Variants in SV2C observed in about 807,000 individuals in gnomAD.
SV2C encodes the protein synaptic vesicle glycoprotein 2C.
SV2C carries 49 observed loss-of-function variants against 79.7 expected under a neutral mutation model. The ratio of observed to expected loss-of-function variants is 0.61; its 90% CI spans 0.49 to 0.78. The LOEUF is 0.78. SV2C is among the 30% of genes least tolerant of loss of function. The pLI is 0.00. For missense variants in SV2C, 833 were observed against 912.9 expected, an observed-to-expected ratio of 0.91 and a Z score of 1.13; for synonymous variants, 334 against 333.2, an observed-to-expected ratio of 1.00 and a Z score of -0.03.
At chr5:75,893,515 T>C in the SV2C span, among the ~76,000 whole-genome samples, 1 of 152,096 alleles carries the variant, frequency 6.6e-6, no homozygotes, top group South Asian at 2.1e-4. Flanking sequence ...AACTACTGCA[T>C]GTTGTCGTAA....
chr5:76,238,555 G>C (rs1417021852), intron 4 of SV2C, among the ~76,000 whole-genome samples: 6 of 152,104 alleles, frequency 3.9e-5, no homozygotes. Flanking sequence ...TAATATTTAA[G>C]AGCGAAGCAC....
At chr5:75,867,012 C>G in the SV2C span, among the ~76,000 whole-genome samples, 1 of 152,132 alleles carries the variant, frequency 6.6e-6, no homozygotes, top group African/African-American at 2.4e-5. Flanking sequence ...GAAAGTCTTG[C>G]TGATTTCTCT....
rs533081268 is a variant in SV2C, at chr5:76,242,359, T to C, written c.913+32472T>C. The C allele has an allele frequency of 2.6e-3, 3,200 of 1,245,862 alleles. 9 individuals are homozygous for C. The highest frequency in any genetic ancestry group is 2.8e-3 in the Non-Finnish European group (2,447 of 879,664). 77.2% of individuals were successfully genotyped at this position (1,245,862 alleles called of 1,614,324 possible). On this transcript the variant is annotated intron_variant, in intron 4 of 12. Coordinates refer to ENST00000502798, the MANE Select transcript of SV2C (RefSeq NM_014979.4). ...CGCGGGACGCAGCGGCGCGCGGGCT[T>C]TGGTCGGACCGGGGGTCGTTCTCGC...
intron 1 of SV2C, among the ~76,000 whole-genome samples, chr5:76,090,063 A>G (rs967503150): frequency 8.5e-5 from 13 of 152,190 alleles, no homozygotes; most frequent in African/African-American, 3.1e-4. Flanking sequence ...GAAGCAATCG[A>G]TGTTTCCCAA....
At chr5:76,222,325 A>G (rs1230526279) in intron 4 of SV2C, among the ~76,000 whole-genome samples, 4 of 152,256 alleles carry the variant, frequency 2.6e-5, no homozygotes, top group Non-Finnish European at 4.4e-5. Flanking sequence ...CTATAACAGC[A>G]TGTATGGACC....
chr5:75,877,966 T>C, the SV2C span, among the ~76,000 whole-genome samples: 3 of 151,882 alleles, frequency 2.0e-5, no homozygotes, highest in Non-Finnish European at 4.4e-5. Context: ...AAGTTTCTCT[T>C]TGAAGTGATG....
Position 76,325,733 on chromosome 5 carries a change from G to GT in SV2C, c.*189dup. 1 of 795,296 alleles carries GT rather than the reference G, an allele frequency of 1.3e-6. No homozygotes were observed. Among genetic ancestry groups the GT allele is most frequent in the Non-Finnish European group, 1.9e-6 (1 of 537,388 alleles). 49.3% of individuals were successfully genotyped at this position (795,296 alleles called of 1,614,324 possible). On this transcript the variant is annotated 3_prime_UTR_variant, in exon 13 of 13. Transcript: ENST00000502798. ...CTTTGTGATTTTGCACAGGTTGTTT[G>GT]TTTGTTTTGTTTTGTTTGAATGCAT...
At position 76,291,426 on chromosome 5, in the gene SV2C, T is replaced by C. The variant is rs528690146; in HGVS notation, c.1248+95T>C. On this transcript the variant is annotated intron_variant, in intron 7 of 12. Coordinates refer to ENST00000502798, the MANE Select transcript of SV2C (RefSeq NM_014979.4). Reference sequence around the variant, plus strand: ...TACTGGGCCTGCCCTATGAGCGAGGTTCTTTCCTGCTGCCCAGGACACCTG... The same window carrying C: ...TACTGGGCCTGCCCTATGAGCGAGGCTCTTTCCTGCTGCCCAGGACACCTG... 7.1e-5 allele frequency: 70 copies of C among 981,808 alleles called. No individual in the cohort carries two copies. In the South Asian group the frequency reaches 1.1e-3, roughly 16 times the overall value. 60.8% of individuals were successfully genotyped at this position (981,808 alleles called of 1,614,324 possible).
chr5:76,263,820 G>C (rs141091336), intron 4 of SV2C, among the ~76,000 whole-genome samples: 1 of 152,090 alleles, frequency 6.6e-6, no homozygotes, highest in Non-Finnish European at 1.5e-5. Context: ...GGTTCCCTTT[G>C]TAGGTAACCT....
At chr5:76,019,191 T>C in the SV2C span, among the ~76,000 whole-genome samples, 1 of 152,056 alleles carries the variant, frequency 6.6e-6, no homozygotes, top group African/African-American at 2.4e-5. Flanking sequence ...ATGTATGGAG[T>C]TCTGGAAGCC....
the SV2C span, among the ~76,000 whole-genome samples, chr5:75,972,507 A>T: frequency 6.6e-6 from 1 of 152,082 alleles, no homozygotes; most frequent in Non-Finnish European, 1.5e-5. Flanking sequence ...CCCATCAAAA[A>T]CTGGGCGAAG....
chr5:76,005,852 T>C, the SV2C span, among the ~76,000 whole-genome samples: 1 of 152,340 alleles, frequency 6.6e-6, no homozygotes, highest in Middle Eastern at 3.4e-3. Context: ...GAATTTTCCC[T>C]TTTAAGTAAG....
chr5:76,346,291 A>G (rs1749536279), intron 12 of SV2C, among the ~76,000 whole-genome samples: 1 of 152,188 alleles, frequency 6.6e-6, no homozygotes, highest in Non-Finnish European at 1.5e-5. Flanking sequence ...TTTTAATGTA[A>G]TTTGTTTAAT....
intron 12 of SV2C, among the ~76,000 whole-genome samples, chr5:76,316,817 C>T (rs1748639643): frequency 6.6e-6 from 1 of 152,110 alleles, no homozygotes; most frequent in Non-Finnish European, 1.5e-5. Context: ...AGAAGCTTTC[C>T]TTCAACTGCC....
chr5:76,001,058 A>G, the SV2C span, among the ~76,000 whole-genome samples: 2 of 152,050 alleles, frequency 1.3e-5, no homozygotes, highest in Non-Finnish European at 2.9e-5. Context: ...TAAGAGATGA[A>G]CAGTTGAGCT....
At chr5:75,950,896 A>G in the SV2C span, among the ~76,000 whole-genome samples, 96 of 152,170 alleles carry the variant, frequency 6.3e-4, no homozygotes, top group African/African-American at 2.2e-3. Context: ...TGCTGTTATC[A>G]TCTCTTTACA....
In SV2C at chr5:76,333,233, T is replaced by C. The variant is rs1749234504; in HGVS notation, c.*7686T>C. The C allele has an allele frequency of 6.6e-6, 1 of 152,228 alleles. No homozygotes were observed. Among genetic ancestry groups the C allele is most frequent in the Non-Finnish European group, 1.5e-5 (1 of 68,042 alleles). 9.4% of individuals were successfully genotyped at this position (152,228 alleles called of 1,614,324 possible). A position where few individuals can be genotyped will look rare whatever the true frequency, so the allele number is the denominator to read the frequency against. On this transcript the variant is annotated 3_prime_UTR_variant, in exon 13 of 13. Transcript: ENST00000502798. ...TGCTATTGTTATATATTTGCTTTAC[T>C]GAATCTATGTCCTATGTCAGTCAGA...
chr5:76,156,267 A>C (rs936170705), intron 2 of SV2C, among the ~76,000 whole-genome samples: 1 of 152,204 alleles, frequency 6.6e-6, no homozygotes, highest in Non-Finnish European at 1.5e-5. Context: ...CCAAAGCCCT[A>C]TTAGGGTAGC....
the SV2C span, among the ~76,000 whole-genome samples, chr5:76,049,774 A>T: frequency 0.053 from 8,128 of 152,264 alleles, 650 homozygotes; most frequent in African/African-American, 0.18. Context: ...CAGTGTTTCA[A>T]TGAGTAGCAG....
Sources: gnomAD v4.1 joint callset for allele counts (sites outside exome capture counted in the v4.1 genomes callset) on GRCh38, gnomAD v4.1.1 for gene constraint, MANE v1.5 for transcripts, NCBI Gene and HGNC (gene_info 2026-07-23, HGNC 2026-07-21) for gene names.